Variants in STAMBP observed in about 807,000 individuals in gnomAD.
STAMBP encodes STAM-binding protein.
A neutral mutation model predicts 50.7 loss-of-function variants in STAMBP; 31 were observed. The ratio of observed to expected loss-of-function variants is 0.61; its 90% CI spans 0.46 to 0.83. The LOEUF (loss-of-function observed/expected upper bound fraction) is 0.83. Among genes scored for constraint, STAMBP ranks in the 40% least tolerant of loss-of-function variants. STAMBP has a pLI of 0.00. For synonymous variants in STAMBP, 211 were observed against 192.4 expected (o/e 1.10, Z -0.80); for missense variants, 472 against 518.9 (o/e 0.91, Z 0.88).
intron 2 of STAMBP, among the ~76,000 whole-genome samples, chr2:73,835,226 C>A (rs1287757217): frequency 1.3e-5 from 2 of 151,864 alleles, no homozygotes; most frequent in Non-Finnish European, 2.9e-5. Context: ...TGGTGGCCCA[C>A]GTCTACAATC....
At position 73,865,943 on chromosome 2, in the gene STAMBP, A is replaced by C. The variant is rs1276285267; in HGVS notation, c.*3684A>C. The C allele has an allele frequency of 2.6e-5, 4 of 152,088 alleles. No individual in the cohort carries two copies. The highest frequency in any genetic ancestry group is 9.7e-5 in the African/African-American group (4 of 41,384). 9.4% of individuals were successfully genotyped at this position (152,088 alleles called of 1,614,324 possible). A position where few individuals can be genotyped will look rare whatever the true frequency, so the allele number is the denominator to read the frequency against. ...ACCTCAAGAACCATTCCAAATTTCT[A>C]CTCATTCTCCCTAAGACCCAGAGCA... On this transcript the variant is annotated 3_prime_UTR_variant, in exon 10 of 10. Coordinates refer to ENST00000394070, the MANE Select transcript of STAMBP (RefSeq NM_213622.4).
At chr2:73,843,404 A>ATGTG (rs200575301) in intron 2 of STAMBP, among the ~76,000 whole-genome samples, 46 of 128,094 alleles carry the variant, frequency 3.6e-4, no homozygotes, top group African/African-American at 1.3e-3. Context: ...ATGTTTGTGT[A>ATGTG]TGTATATATA....
rs1258650871 is a variant in STAMBP, at chr2:73,866,452, A to G, written c.*4193A>G. 1.3e-5 allele frequency: 2 copies of G among 152,210 alleles called. No individual in the cohort carries two copies. Among genetic ancestry groups the G allele is most frequent in the Admixed American group, 6.5e-5 (1 of 15,284 alleles). 9.4% of individuals were successfully genotyped at this position (152,210 alleles called of 1,614,324 possible). ...ACTATCGTATAAATTTCATTAGGGT[A>G]AGAATCATGTTTGCTTTATGCACTG... On this transcript the variant is annotated 3_prime_UTR_variant, in exon 10 of 10. Coordinates refer to ENST00000394070, the MANE Select transcript of STAMBP (RefSeq NM_213622.4).
intron 2 of STAMBP, among the ~76,000 whole-genome samples, chr2:73,832,016 A>G (rs1673985955): frequency 6.7e-6 from 1 of 149,884 alleles, no homozygotes; most frequent in Non-Finnish European, 1.5e-5. Flanking sequence ...GTCTTTTGAG[A>G]TCATAGTCAT....
intron 4 of STAMBP, among the ~76,000 whole-genome samples, chr2:73,846,588 T>C (rs1183193067): frequency 2.0e-5 from 3 of 149,590 alleles, no homozygotes; most frequent in Non-Finnish European, 1.5e-5. Context: ...GATTGACCAC[T>C]ACAGTCCAGC....
intron 2 of STAMBP, among the ~76,000 whole-genome samples, chr2:73,839,993 A>G (rs906952274): frequency 3.9e-5 from 6 of 152,202 alleles, no homozygotes; most frequent in African/African-American, 1.4e-4. Context: ...CCTCCTTCTT[A>G]ATGATGACTT....
At chr2:73,845,046 A>C in intron 3 of STAMBP, 121 bp from the exon 4 acceptor site, 2 of 1,537,256 alleles carry the variant, frequency 1.3e-6, no homozygotes, top group African/African-American at 1.4e-5. Context: ...GGTATGGTAC[A>C]GTAGGGGGTA....
At chr2:73,837,395 C>G (rs1006668466) in intron 2 of STAMBP, among the ~76,000 whole-genome samples, 3 of 151,682 alleles carry the variant, frequency 2.0e-5, no homozygotes, top group African/African-American at 7.3e-5. Flanking sequence ...ACCATCCTGG[C>G]TAACATGGTG....
chr2:73,847,998 A>G (rs1676348398), intron 5 of STAMBP, among the ~76,000 whole-genome samples: 1 of 152,192 alleles, frequency 6.6e-6, no homozygotes, highest in Non-Finnish European at 1.5e-5. Context: ...CAGACTGTCA[A>G]CTTTTTAGTG....
chr2:73,833,170 T>A (rs1033936936), intron 2 of STAMBP, among the ~76,000 whole-genome samples: 1 of 152,252 alleles, frequency 6.6e-6, no homozygotes, highest in African/African-American at 2.4e-5. Flanking sequence ...TTGGCAGGCT[T>A]TAGCCTCCAA....
intron 7 of STAMBP, among the ~76,000 whole-genome samples, chr2:73,857,760 A>T (rs912015881): frequency 6.6e-6 from 1 of 152,106 alleles, no homozygotes; most frequent in African/African-American, 2.4e-5. Flanking sequence ...GAGGGCATAC[A>T]TCCACCTACC....
intron 1 of STAMBP, 64 bp from the exon 2 acceptor site, chr2:73,830,781 A>C: frequency 1.6e-6 from 2 of 1,273,778 alleles, no homozygotes; most frequent in Non-Finnish European, 2.2e-6. Context: ...CTGTGAGATA[A>C]ACTGTAAAAC....
intron 2 of STAMBP, among the ~76,000 whole-genome samples, chr2:73,843,431 T>C (rs926305246): frequency 6.8e-6 from 1 of 146,924 alleles, no homozygotes; most frequent in Non-Finnish European, 1.5e-5. Context: ...TATATATATA[T>C]ATAAATTAAA....
downstream of STAMBP, chr2:73,870,285 TCACCA>T (rs1455287500): frequency 1.3e-5 from 2 of 152,212 alleles, no homozygotes; most frequent in African/African-American, 4.8e-5. Flanking sequence ...GAGGGTGACC[TCACCA>T]CTGGAACCCG....
rs1573343482 is a variant in STAMBP, at chr2:73,850,269, A to G, written c.868-107A>G. ...AGTGGCAGGACTCCTGCTGTGTGGG[A>G]AGGGCTTTCACTTGTATAGATGCTT... On this transcript the variant is annotated intron_variant, in intron 6 of 9. Coordinates refer to ENST00000394070, the MANE Select transcript of STAMBP (RefSeq NM_213622.4). This position sits in a 1 kb window ranked among gnomAD's most constrained non-coding sequence, Gnocchi z 4.3. 2 of 1,412,764 alleles carry G rather than the reference A, an allele frequency of 1.4e-6. No homozygotes were observed. The highest frequency in any genetic ancestry group is 4.9e-5 in the East Asian group (2 of 40,794). The allele number at this position is 1,412,764 out of a possible 1,614,324, so 87.5% of individuals were successfully genotyped here.
chr2:73,846,912 TC>T (rs1282115228), intron 4 of STAMBP, among the ~76,000 whole-genome samples: 1 of 151,860 alleles, frequency 6.6e-6, no homozygotes, highest in Non-Finnish European at 1.5e-5. Flanking sequence ...CGAAACCCTG[TC>T]TCTACAAAAA....
In STAMBP at chr2:73,847,491, A is replaced by C; in HGVS notation, c.480A>C (p.Glu160Asp). The C allele has an allele frequency of 6.2e-7, 1 of 1,614,218 alleles. No homozygotes were observed. The highest frequency in any genetic ancestry group is 8.5e-7 in the Non-Finnish European group (1 of 1,180,042). Reference protein sequence around the residue: ...AQQKQQQLEQEQFHAFEEMIR... With the variant: ...AQQKQQQLEQDQFHAFEEMIR... ...AGAAGCAGCAGCAATTGGAACAGGAACAGTTCCATGCCTTCGAGGAGATGA... is the reference window on the plus strand; with the variant it reads ...AGAAGCAGCAGCAATTGGAACAGGACCAGTTCCATGCCTTCGAGGAGATGA... Residue 160 changes from glutamate (E) to aspartate (D), a missense_variant, in exon 5 of 10, where the codon GAA becomes GAC. Physicochemically the swap from Glu to Asp is conservative, Grantham distance 45. Transcript: ENST00000394070.
intron 9 of STAMBP, chr2:73,860,604 T>C (rs1678225803): frequency 1.0e-5 from 10 of 974,836 alleles, no homozygotes; most frequent in Non-Finnish European, 1.2e-5. Flanking sequence ...ATTAAGTATA[T>C]TTGTAGAATT....
At chr2:73,860,592 A>T in intron 9 of STAMBP, 1 of 981,794 alleles carries the variant, frequency 1.0e-6, no homozygotes. Context: ...TCAGATAGGT[A>T]AATTAAGTAT....
Sources: gnomAD v4.1 joint callset for allele counts (sites outside exome capture counted in the v4.1 genomes callset) on GRCh38, gnomAD v4.1.1 for gene constraint, Gnocchi (gnomAD v3.1) non-coding constraint, MANE v1.5 for transcripts, NCBI Gene and HGNC (gene_info 2026-07-23, HGNC 2026-07-21) for gene names.